Variants in EPHA3 observed in about 807,000 individuals in gnomAD.
EPHA3 encodes ephrin type-A receptor 3.
In EPHA3, 42 loss-of-function variants were observed where a neutral mutation model predicts 107.1. The observed-to-expected ratio is 0.39, with a 90% CI of 0.31 to 0.51. The LOEUF (loss-of-function observed/expected upper bound fraction) is 0.51. EPHA3 is among the 20% of genes least tolerant of loss of function. EPHA3 has a pLI of 0.78. For missense variants in EPHA3, 1,183 were observed against 1,211.2 expected, an observed-to-expected ratio of 0.98 and a Z score of 0.35; for synonymous variants, 461 against 424.8, an observed-to-expected ratio of 1.09 and a Z score of -1.05.
chr3:89,121,194 C>A (rs573489715), intron 1 of EPHA3, among the ~76,000 whole-genome samples: 1 of 152,148 alleles, frequency 6.6e-6, no homozygotes, highest in East Asian at 1.9e-4. Flanking sequence ...GGAGATCGTG[C>A]CACTGCACTC....
At chr3:89,157,486 G>A (rs182396841) in intron 2 of EPHA3, among the ~76,000 whole-genome samples, 2 of 151,994 alleles carry the variant, frequency 1.3e-5, no homozygotes, top group East Asian at 3.9e-4. Flanking sequence ...GAGGAACAAG[G>A]AGCATAGAAT....
At chr3:89,130,858 G>A (rs923855937) in intron 2 of EPHA3, among the ~76,000 whole-genome samples, 2 of 152,004 alleles carry the variant, frequency 1.3e-5, no homozygotes, top group South Asian at 4.1e-4. Context: ...AGATGGACTC[G>A]ATCTCCTGAC....
rs1192323763 is a variant in EPHA3 at position 89,456,522 on chromosome 3, T to C, written c.2690+6152T>C. ...GTTGTTGCATATACCGCAATAGAAGTCTTTTTATAATGCATCATTTCACTT... is the reference window on the plus strand; with the variant it reads ...GTTGTTGCATATACCGCAATAGAAGCCTTTTTATAATGCATCATTTCACTT... On this transcript the variant is annotated intron_variant, in intron 15 of 16. Transcript: ENST00000336596. Among the ~76,000 whole-genome samples the C allele has an allele frequency of 2.6e-5, 4 of 152,192 alleles. No individual in the cohort carries two copies. In the East Asian group the frequency reaches 7.7e-4, roughly 29 times the overall value.
intron 16 of EPHA3, 37 bp from the exon 17 acceptor site, chr3:89,479,360 A>G (rs757780094): frequency 6.4e-7 from 1 of 1,553,278 alleles, no homozygotes; most frequent in Admixed American, 1.7e-5. Context: ...TACACTATCG[A>G]GGAAACCGAT....
chr3:89,429,785 G>A (rs532624563), intron 12 of EPHA3, among the ~76,000 whole-genome samples: 1 of 140,744 alleles, frequency 7.1e-6, no homozygotes, highest in African/African-American at 2.9e-5. Flanking sequence ...AGGCAATGGT[G>A]CAATGGTGCA....
chr3:89,460,958 C>T (rs1423446976), intron 15 of EPHA3, among the ~76,000 whole-genome samples: 1 of 125,216 alleles, frequency 8.0e-6, no homozygotes, highest in Non-Finnish European at 1.7e-5. Context: ...GTATATCTCC[C>T]AATGCTATCC....
Position 89,219,703 on chromosome 3 carries a change from GTTTTTTGT to G in EPHA3, c.814+9190_814+9197del, listed in dbSNP as rs1704316319. On this transcript the variant is annotated intron_variant, in intron 3 of 16. Transcript: ENST00000336596. ...ATTTGGCAATGTTTTTTTTTTTTTT[GTTTTTTGT>G]TTTTTTTTTTTTTTTGAGACGGAGT... Among the ~76,000 whole-genome samples, 19 of 26,232 alleles carry G rather than the reference GTTTTTTGT, an allele frequency of 7.2e-4. 7 individuals are homozygous for G. The highest frequency in any genetic ancestry group is 2.7e-3 in the Admixed American group (4 of 1,470). The allele number at this position is 26,232 out of a possible 152,430, so 17.2% of individuals were successfully genotyped here. A position where few individuals can be genotyped will look rare whatever the true frequency, so the allele number is the denominator to read the frequency against.
chr3:89,370,723 A>G (rs1249021272), intron 5 of EPHA3, among the ~76,000 whole-genome samples: 3 of 151,768 alleles, frequency 2.0e-5, no homozygotes, highest in Non-Finnish European at 4.4e-5. Context: ...AAAATAAAAA[A>G]AGAAGGAATG....
At chr3:89,351,580 C>T (rs1337222917) in intron 5 of EPHA3, among the ~76,000 whole-genome samples, 2 of 151,122 alleles carry the variant, frequency 1.3e-5, no homozygotes, top group African/African-American at 2.4e-5. Context: ...CCGTCTTCTG[C>T]GTCGCTCACG....
intron 5 of EPHA3, among the ~76,000 whole-genome samples, chr3:89,365,592 T>C (rs1040390065): frequency 2.7e-5 from 4 of 150,680 alleles, no homozygotes; most frequent in Non-Finnish European, 5.9e-5. Flanking sequence ...CATTGCTTGT[T>C]AGTACTCAGT....
intron 5 of EPHA3, among the ~76,000 whole-genome samples, chr3:89,383,938 G>A (rs1328553290): frequency 4.0e-5 from 6 of 151,752 alleles, no homozygotes; most frequent in East Asian, 1.9e-4. Flanking sequence ...GTGAGCCACC[G>A]CACCTAGCCA....
intron 3 of EPHA3, among the ~76,000 whole-genome samples, chr3:89,280,806 A>G (rs992349682): frequency 1.3e-5 from 2 of 152,124 alleles, no homozygotes; most frequent in Non-Finnish European, 1.5e-5. Context: ...TGAGTAGGGT[A>G]GATTTTGAGT....
intron 5 of EPHA3, among the ~76,000 whole-genome samples, chr3:89,368,474 A>T (rs1163889598): frequency 1.3e-5 from 2 of 150,434 alleles, no homozygotes; most frequent in African/African-American, 4.9e-5. Context: ...AATAGAAAAG[A>T]CTGATACAAT....
intron 15 of EPHA3, among the ~76,000 whole-genome samples, chr3:89,455,317 T>A (rs968406894): frequency 2.0e-5 from 3 of 152,020 alleles, no homozygotes; most frequent in Non-Finnish European, 4.4e-5. Flanking sequence ...AACCTCCTCC[T>A]CACCAAAAAG....
At chr3:89,303,036 G>T (rs1396853145) in intron 3 of EPHA3, among the ~76,000 whole-genome samples, 1 of 151,958 alleles carries the variant, frequency 6.6e-6, no homozygotes, top group Admixed American at 6.6e-5. Context: ...GGGATTACTG[G>T]TATCTGCTAC....
chr3:89,409,123 G>T (rs1026924497), intron 9 of EPHA3, among the ~76,000 whole-genome samples: 2 of 152,018 alleles, frequency 1.3e-5, no homozygotes, highest in African/African-American at 2.4e-5. Flanking sequence ...AAGCAGTATA[G>T]GAGTTTGAAG....
chr3:89,399,939 T>C (rs1223028571), intron 7 of EPHA3: 1 of 1,052,038 alleles, frequency 9.5e-7, no homozygotes, highest in Non-Finnish European at 1.1e-6. Context: ...TTCTAAAATG[T>C]GTTTTATCAC....
In EPHA3 at chr3:89,272,078, C is replaced by G. The variant is rs1217375862; in HGVS notation, c.814+61558C>G. Among the ~76,000 whole-genome samples the G allele has an allele frequency of 5.9e-5, 9 of 151,890 alleles. No individual in the cohort carries two copies. The East Asian group carries it at 1.7e-3, about 29-fold the overall frequency. On this transcript the variant is annotated intron_variant, in intron 3 of 16. Transcript: ENST00000336596. ...TATTGTAATAATATAGTATATAATA[C>G]CTATAACATACAAATACGCATTAAT...
intron 5 of EPHA3, 115 bp from the exon 6 acceptor site, chr3:89,395,722 G>C (rs1054083300): frequency 5.4e-6 from 7 of 1,286,776 alleles, no homozygotes; most frequent in Non-Finnish European, 7.5e-6. Flanking sequence ...CCAAAAAACT[G>C]GAACAATGAT....
Sources: allele counts gnomAD v4.1 joint callset (sites outside exome capture counted in the v4.1 genomes callset), GRCh38; gene constraint gnomAD v4.1.1; transcripts MANE v1.5; gene names NCBI Gene and HGNC (gene_info 2026-07-23, HGNC 2026-07-21).